Variants in DMD observed in about 807,000 individuals in gnomAD.
The protein encoded by DMD is mutant dystrophin.
A neutral mutation model predicts 330.1 loss-of-function variants in DMD; 63 were observed. That is an observed-to-expected ratio of 0.19 (90% confidence interval 0.16 to 0.24). The LOEUF is 0.24. Among genes scored for constraint, DMD ranks in the 10% least tolerant of loss-of-function variants. The probability of loss-of-function intolerance (pLI) is 1.00; values close to 1 mark genes in which losing one functional copy is unlikely to be tolerated. For synonymous variants in DMD, 1,223 were observed against 959.8 expected (o/e 1.27, Z -5.07); for missense variants, 3,344 against 2,684.1 (o/e 1.25, Z -5.43).
At chrX:32,801,539 T>A (rs1250983029) in intron 7 of DMD, among the ~76,000 whole-genome samples, 1 of 112,242 alleles carries the variant, frequency 8.9e-6, no homozygotes, top group Non-Finnish European at 1.9e-5. Flanking sequence ...AATTTTGGCT[T>A]TTCTTGCCAT....
chrX:32,342,426 G>C lies in DMD; in HGVS notation c.5740-144C>G. On this transcript the variant is annotated intron_variant, in intron 40 of 78. Transcript: ENST00000357033. Reference sequence around the variant, plus strand: ...TGAAGTTTACAAATATGAAAGGCATGACTGTCATCCTCGCTCAATAACCCA... The same window carrying C: ...TGAAGTTTACAAATATGAAAGGCATCACTGTCATCCTCGCTCAATAACCCA... The C allele has an allele frequency of 1.5e-5, 9 of 585,257 alleles. No individual in the cohort carries two copies. In the South Asian group the frequency reaches 2.8e-4, roughly 18 times the overall value. The allele number at this position is 585,257 out of a possible 1,213,427, so 48.2% of individuals were successfully genotyped here. A position where few individuals can be genotyped will look rare whatever the true frequency, so the allele number is the denominator to read the frequency against.
chrX:32,676,802 T>A (rs1010832471), intron 9 of DMD, among the ~76,000 whole-genome samples: 3 of 111,502 alleles, frequency 2.7e-5, no homozygotes, highest in African/African-American at 9.7e-5. Context: ...TATATCTTAA[T>A]GTAGTATTTT....
intron 41 of DMD, among the ~76,000 whole-genome samples, chrX:32,312,219 T>C (rs757196844): frequency 1.3e-4 from 14 of 111,403 alleles, no homozygotes; most frequent in Non-Finnish European, 2.5e-4. Context: ...CTTGAAAATA[T>C]TTAGAAAAAA....
At chrX:32,305,026 CT>C (rs1453050877) in intron 42 of DMD, among the ~76,000 whole-genome samples, 1 of 111,490 alleles carries the variant, frequency 9.0e-6, no homozygotes, top group Non-Finnish European at 1.9e-5. Flanking sequence ...TTAAATACCC[CT>C]GTATTACAAT....
chrX:31,996,006 A>G (rs922678488), intron 44 of DMD, among the ~76,000 whole-genome samples: 1 of 112,361 alleles, frequency 8.9e-6, no homozygotes. Context: ...AGAGAAATAC[A>G]TAAAGAACAA....
intron 34 of DMD, among the ~76,000 whole-genome samples, chrX:32,377,817 A>C (rs933747608): frequency 1.8e-5 from 2 of 111,244 alleles, no homozygotes; most frequent in Non-Finnish European, 3.8e-5. Flanking sequence ...AAATATATAC[A>C]CCCAGTATGT....
chrX:33,124,117 G>C (rs1234026266), intron 1 of DMD, among the ~76,000 whole-genome samples: 9 of 110,374 alleles, frequency 8.2e-5, no homozygotes, highest in Admixed American at 1.9e-4. Context: ...AGTGAGCCCA[G>C]ATAGTGCCAT....
intron 52 of DMD, among the ~76,000 whole-genome samples, chrX:31,708,833 C>T (rs1000142357): frequency 1.8e-5 from 2 of 112,236 alleles, no homozygotes; most frequent in African/African-American, 6.5e-5. Context: ...GTTTCCATCC[C>T]TGTTCAAACA....
intron 51 of DMD, among the ~76,000 whole-genome samples, chrX:31,743,146 A>G (rs1225805493): frequency 8.9e-6 from 1 of 112,158 alleles, no homozygotes; most frequent in Non-Finnish European, 1.9e-5. Flanking sequence ...CCACAACGAG[A>G]TACCGTCTCA....
At chrX:32,799,665 C>T (rs145571174) in intron 7 of DMD, among the ~76,000 whole-genome samples, 3 of 105,293 alleles carry the variant, frequency 2.8e-5, no homozygotes, top group Admixed American at 1.0e-4. Flanking sequence ...GTATATGAAA[C>T]CCACGACCAA....
At chrX:32,342,076 G>C in intron 41 of DMD, 24 bp downstream of exon 41, 1 of 1,193,509 alleles carries the variant, frequency 8.4e-7, no homozygotes, top group Non-Finnish European at 1.1e-6. Context: ...AAACACATAC[G>C]TGGGTTTGCC....
At position 32,529,215 on chromosome X, in the gene DMD, G is replaced by A. The variant is rs190881239; in HGVS notation, c.2169-11084C>T. Among the ~76,000 whole-genome samples the A allele has an allele frequency of 1.6e-4, 17 of 106,645 alleles. No homozygotes were observed. The East Asian group carries it at 5.0e-3, about 31-fold the overall frequency. 92.6% of individuals were successfully genotyped at this position (106,645 alleles called of 115,157 possible). A position where few individuals can be genotyped will look rare whatever the true frequency, so the allele number is the denominator to read the frequency against. ...GCTGGGATTACAGGTGTGAGCCACC[G>A]CGCCAGGTCAAACCAATGTATTTCT... On this transcript the variant is annotated intron_variant, in intron 17 of 78. Transcript: ENST00000357033.
intron 1 of DMD, among the ~76,000 whole-genome samples, chrX:33,323,972 G>A (rs1241104405): frequency 9.0e-6 from 1 of 111,464 alleles, no homozygotes; most frequent in South Asian, 3.7e-4. Flanking sequence ...AAATTGGTGT[G>A]TCACTTCTGA....
intron 62 of DMD, among the ~76,000 whole-genome samples, chrX:31,321,583 CAAAAAAAAAA>C (rs1190446358): frequency 9.5e-5 from 1 of 10,472 alleles, no homozygotes; most frequent in Non-Finnish European, 1.5e-4. Context: ...AACTCCATCT[CAAAAAAAAAA>C]AAAAAAAAAA....
intron 43 of DMD, among the ~76,000 whole-genome samples, chrX:32,255,211 C>CT (rs1308694652): frequency 9.8e-5 from 11 of 111,737 alleles, no homozygotes; most frequent in Non-Finnish European, 2.1e-4. Context: ...TTGTTTCTAC[C>CT]TTTTCTCTAC....
chrX:32,564,257 G>A (rs2149086856), intron 16 of DMD, among the ~76,000 whole-genome samples: 1 of 112,037 alleles, frequency 8.9e-6, no homozygotes, highest in East Asian at 2.8e-4. Context: ...ACAGTTAACT[G>A]TTACAGCTCC....
chrX:31,380,119 G>A (rs147215572), intron 60 of DMD, among the ~76,000 whole-genome samples: 7,149 of 110,620 alleles, frequency 0.065, 225 homozygotes, highest in South Asian at 0.14. Flanking sequence ...TCAAGGGCCT[G>A]TTTCCCTTAC....
At chrX:32,550,504 CA>C (rs1035751102) in intron 16 of DMD, among the ~76,000 whole-genome samples, 1 of 110,958 alleles carries the variant, frequency 9.0e-6, no homozygotes, top group Non-Finnish European at 1.9e-5. Flanking sequence ...CGTTAAGAGG[CA>C]AGCTTATGGC....
chrX:32,962,775 C>A (rs2091953479), intron 2 of DMD, among the ~76,000 whole-genome samples: 1 of 111,995 alleles, frequency 8.9e-6, no homozygotes, highest in Admixed American at 9.5e-5. Flanking sequence ...TGCTTGGAGG[C>A]AATATTACTG....
Sources: allele counts gnomAD v4.1 joint callset (sites outside exome capture counted in the v4.1 genomes callset), GRCh38; gene constraint gnomAD v4.1.1; transcripts MANE v1.5; gene names NCBI Gene and HGNC (gene_info 2026-07-23, HGNC 2026-07-21).